Variants in THNSL2 observed in about 807,000 individuals in gnomAD.
THNSL2 encodes the protein threonine synthase like 2.
THNSL2 carries 34 observed loss-of-function variants against 40.0 expected under a neutral mutation model. The observed-to-expected ratio is 0.85, with a 90% CI of 0.65 to 1.13. The LOEUF (loss-of-function observed/expected upper bound fraction) is 1.13, where lower values mean the gene tolerates loss of function less well. Among genes scored for constraint, THNSL2 ranks in the 50% most tolerant of loss-of-function variants. THNSL2 has a pLI of 0.00. For missense variants in THNSL2, 537 were observed against 608.8 expected (o/e 0.88, Z 1.24); for synonymous variants, 241 against 247.5 (o/e 0.97, Z 0.25).
At position 88,183,016 on chromosome 2, in the gene THNSL2, C is replaced by T. The variant is rs1254714315; in HGVS notation, c.1020C>T (p.Leu340=). 8.7e-6 allele frequency: 14 copies of T among 1,614,068 alleles called. No homozygotes were observed. The highest frequency in any genetic ancestry group is 1.2e-5 in the Non-Finnish European group (14 of 1,180,024). Residue 340 remains leucine (L), a synonymous_variant, in exon 7 of 9, where the codon CTC becomes CTT. Transcript: ENST00000674334. ...CTGACAGCCAGGTGACAAGAGCCCTCATGGAGCAGTTTGAAAGGACCCAAA... is the reference window on the plus strand; with the variant it reads ...CTGACAGCCAGGTGACAAGAGCCCTTATGGAGCAGTTTGAAAGGACCCAAA... ...SGSDSQVTRA[L]MEQFERTQSV...
chr2:88,175,147 G>A lies in THNSL2; in HGVS notation c.419-102G>A, dbSNP rs1573175775. On this transcript the variant is annotated intron_variant, in intron 3 of 8. Transcript: ENST00000674334. ...GGTTCATATCATCCAAGTATTTGAAGTAGATGTTGCTATATTTGACAACAG... is the reference window on the plus strand; with the variant it reads ...GGTTCATATCATCCAAGTATTTGAAATAGATGTTGCTATATTTGACAACAG... The A allele has an allele frequency of 1.9e-5, 24 of 1,275,916 alleles. No homozygotes were observed. In the African/African-American group the frequency reaches 2.2e-4, roughly 12 times the overall value. The allele number at this position is 1,275,916 out of a possible 1,614,324, so 79.0% of individuals were successfully genotyped here.
chr2:88,173,483 A>C, intron 2 of THNSL2, 110 bp downstream of exon 2: 2 of 781,122 alleles, frequency 2.6e-6, no homozygotes, highest in East Asian at 3.3e-5. Context: ...ATTTCTTCTC[A>C]AACTTTGTTT....
At chr2:88,171,399 C>A in intron 1 of THNSL2, 1 of 446,012 alleles carries the variant, frequency 2.2e-6, no homozygotes. Context: ...TGTTCCATAT[C>A]CTCCTTCCCA....
chr2:88,172,660 A>G (rs1392281875), intron 1 of THNSL2: 1 of 152,408 alleles, frequency 6.6e-6, no homozygotes, highest in African/African-American at 2.4e-5. Context: ...ACAGTTGAGA[A>G]CTACTAGGCT....
chr2:88,182,678 C>A, intron 5 of THNSL2, 21 bp from the exon 6 acceptor site: 2 of 1,520,780 alleles, frequency 1.3e-6, no homozygotes, highest in South Asian at 1.3e-5. Context: ...AGCCATTGTT[C>A]TCCTCCTCTC....
chr2:88,172,784 A>G, intron 1 of THNSL2: 1 of 171,372 alleles, frequency 5.8e-6, no homozygotes, highest in Middle Eastern at 2.4e-3. Flanking sequence ...CCTTAGCAAG[A>G]GGGATATCAA....
Position 88,170,414 on chromosome 2 carries a change from TCGCGCCCCGCGCCCCGCGCCCCGCGCCC to T in THNSL2, c.-44_-17del. The T allele has an allele frequency of 6.7e-6, 1 of 149,054 alleles. No individual in the cohort carries two copies. 9.2% of individuals were successfully genotyped at this position (149,054 alleles called of 1,614,324 possible). On this transcript the variant is annotated 5_prime_UTR_variant, in exon 1 of 9. Transcript: ENST00000674334. ...GGGCAGCCCTGCTGCGCACCGGGCC[TCGCGCCCCGCGCCCCGCGCCCCGCGCCC>T]CGCGCCCCGCACCGGTAACGCGCGC...
chr2:88,175,198 GTTCATTCC>G (rs1676785362), intron 3 of THNSL2, 43 bp from the exon 4 acceptor site: 5 of 1,577,824 alleles, frequency 3.2e-6, no homozygotes, highest in Non-Finnish European at 4.3e-6. Flanking sequence ...TTCTTTCCTC[GTTCATTCC>G]CTTTGTTCTA....
chr2:88,182,794 T>C lies in THNSL2; in HGVS notation c.898T>C (p.Phe300Leu). The C allele has an allele frequency of 6.2e-7, 1 of 1,614,072 alleles. No individual in the cohort carries two copies. The change falls in exon 6 of 9, where the codon TTC (phenylalanine) becomes CTC (leucine). Residue 300 changes from phenylalanine (F) to leucine (L), a missense_variant. Phe to Leu is a conservative substitution (Grantham distance 22). Transcript: ENST00000674334. ...IIHRTVQQGDFSLSEAVKSTL... is the reference protein window; with the variant it reads ...IIHRTVQQGDLSLSEAVKSTL... ...CCACAGGACTGTCCAGCAGGGAGACTTCTCTCTCTCTGAGGCTGTTAAATC... is the reference window on the plus strand; with the variant it reads ...CCACAGGACTGTCCAGCAGGGAGACCTCTCTCTCTCTGAGGCTGTTAAATC...
Position 88,175,308 on chromosome 2 carries a change from G to A in THNSL2, c.478G>A (p.Asp160Asn). The A allele has an allele frequency of 6.2e-7, 1 of 1,614,210 alleles. No homozygotes were observed. The highest frequency in any genetic ancestry group is 8.5e-7 in the Non-Finnish European group (1 of 1,180,036). ...GAGTGTTCAAGGGGCAAAGAACATG[G>A]ACATTATCGTTCTGCTGCCCAAAGG... ...IESVQGAKNMDIIVLLPKGHC... is the reference protein window; with the variant it reads ...IESVQGAKNMNIIVLLPKGHC... The change falls in exon 4 of 9, where the codon GAC becomes AAC. Residue 160 changes from aspartate (D) to asparagine (N), a missense_variant. Physicochemically the swap from Asp to Asn is conservative, Grantham distance 23. Transcript: ENST00000674334.
At chr2:88,183,542 A>G (rs1188882881) in intron 7 of THNSL2, 1 of 152,086 alleles carries the variant, frequency 6.6e-6, no homozygotes, top group East Asian at 1.9e-4. Context: ...AACCGAGACC[A>G]TTGTTTCCGT....
chr2:88,182,714 A>G lies in THNSL2; in HGVS notation c.818A>G (p.Gln273Arg). 1 of 1,612,446 alleles carries G rather than the reference A, an allele frequency of 6.2e-7. No individual in the cohort carries two copies. Among genetic ancestry groups the G allele is most frequent in the Non-Finnish European group, 8.5e-7 (1 of 1,178,650 alleles). Residue 273 changes from glutamine (Q) to arginine (R), a missense_variant, in exon 6 of 9, where the codon CAA becomes CGA. Coordinates refer to ENST00000674334, the MANE Select transcript of THNSL2 (RefSeq NM_018271.5). ...TTGTCTTAAGCTGGGTACATTGCTC[A>G]AAAGATAGGCCTGCCCATCCGTCTG... ...AGNLAAGYIA[Q>R]KIGLPIRLVV...
chr2:88,174,319 A>T (rs1676674496), intron 2 of THNSL2, among the ~76,000 whole-genome samples: 2 of 152,190 alleles, frequency 1.3e-5, no homozygotes, highest in South Asian at 4.1e-4. Context: ...TTATGTAGCT[A>T]TTTAATTGAC....
intron 4 of THNSL2, 148 bp from the exon 5 acceptor site, chr2:88,178,635 C>G (rs762685198): frequency 1.5e-4 from 109 of 709,740 alleles, no homozygotes; most frequent in Non-Finnish European, 2.4e-4. Flanking sequence ...ATAGTGAGGC[C>G]AAGCTACGTG....
intron 5 of THNSL2, 192 bp from the exon 6 acceptor site, chr2:88,182,507 C>T (rs1490015920): frequency 5.8e-6 from 3 of 516,730 alleles, no homozygotes; most frequent in Non-Finnish European, 9.8e-6. Context: ...ATACAAATCC[C>T]TTATCAGATA....
chr2:88,173,636 A>C lies in THNSL2; in HGVS notation c.223+263A>C, dbSNP rs189002250. 7.0e-4 allele frequency among the ~76,000 whole-genome samples: 107 copies of C among 152,092 alleles called. No individual in the cohort carries two copies. The East Asian group carries it at 0.013, about 18-fold the overall frequency. ...TCTTTCTTTTTCTTTAAAAAAAAAA[A>C]AACAAAAACCTCTTCAACACTAGGG... is the stretch of plus-strand genomic sequence containing the variant. On this transcript the variant is annotated intron_variant, in intron 2 of 8. Transcript: ENST00000674334.
Position 88,185,168 on chromosome 2 carries a change from G to A in THNSL2, c.1078-160G>A, listed in dbSNP as rs531040820. On this transcript the variant is annotated intron_variant, in intron 7 of 8. Coordinates refer to ENST00000674334, the MANE Select transcript of THNSL2 (RefSeq NM_018271.5). ...AGTTGAGTGAGTCAGCTCAAAACTAGGAGGCCAGATTTTTACTGTGAGCCA... is the reference window on the plus strand; with the variant it reads ...AGTTGAGTGAGTCAGCTCAAAACTAAGAGGCCAGATTTTTACTGTGAGCCA... 7.9e-5 allele frequency among the ~76,000 whole-genome samples: 12 copies of A among 152,288 alleles called. No homozygotes were observed. In the East Asian group the frequency reaches 2.3e-3, roughly 29 times the overall value.
chr2:88,180,969 C>T lies in THNSL2; in HGVS notation c.803-1730C>T, dbSNP rs75727327. The stretch of plus-strand genomic sequence containing the variant: ...AGACCTCTTGGAACATTCATTTCCT[C>T]TTCCAAAAATTGGTGTTTTACAGTA... On this transcript the variant is annotated intron_variant, in intron 5 of 8. Coordinates refer to ENST00000674334, the MANE Select transcript of THNSL2 (RefSeq NM_018271.5). 6.9e-3 allele frequency among the ~76,000 whole-genome samples: 1,055 copies of T among 152,216 alleles called. 2 individuals carry two copies. Among genetic ancestry groups the T allele is most frequent in the Non-Finnish European group, 0.01 (702 of 68,020 alleles).
intron 1 of THNSL2, 97 bp downstream of exon 1, chr2:88,170,553 C>T (rs1404510628): frequency 6.6e-6 from 1 of 152,340 alleles, no homozygotes; most frequent in Non-Finnish European, 1.5e-5. Flanking sequence ...CTGATTCCCG[C>T]AGGCCCACGT....
Sources: allele counts gnomAD v4.1 joint callset (sites outside exome capture counted in the v4.1 genomes callset), GRCh38; gene constraint gnomAD v4.1.1; transcripts MANE v1.5; gene names NCBI Gene and HGNC (gene_info 2026-07-23, HGNC 2026-07-21).